MYDGF: variants seen among roughly 807,000 people sequenced by gnomAD.
The protein encoded by MYDGF is myeloid-derived growth factor.
In MYDGF, 29 loss-of-function variants were observed where a neutral mutation model predicts 24.2. The ratio of observed to expected loss-of-function variants is 1.20; its 90% CI spans 0.89 to 1.63. The LOEUF (loss-of-function observed/expected upper bound fraction) is 1.63. Among genes scored for constraint, MYDGF ranks in the 40% most tolerant of loss-of-function variants. The probability of loss-of-function intolerance (pLI) is 0.00; values close to 1 mark genes in which losing one functional copy is unlikely to be tolerated. For missense variants in MYDGF, 245 were observed against 234.8 expected (o/e 1.04, Z -0.29); for synonymous variants, 105 against 102.5 (o/e 1.02, Z -0.15).
intron 3 of MYDGF, among the ~76,000 whole-genome samples, chr19:4,664,486 T>C (rs1162772296): frequency 2.3e-5 from 3 of 130,110 alleles, no homozygotes; most frequent in Non-Finnish European, 3.2e-5. Context: ...GGAGACTCCA[T>C]CTCAAAAAAA....
Position 4,668,646 on chromosome 19 carries a change from C to T in MYDGF, c.175-1G>A, listed in dbSNP as rs575384736. 6.2e-7 allele frequency: 1 copy of T among 1,612,064 alleles called. No individual in the cohort carries two copies. Among genetic ancestry groups the T allele is most frequent in the African/African-American group, 1.3e-5 (1 of 74,904 alleles). Reference sequence around the variant, plus strand: ...AAGTGAACATACACGTATATTTGTCCTAGAGAATGGAAGGAAAAAAAAGGT... The same window carrying T: ...AAGTGAACATACACGTATATTTGTCTTAGAGAATGGAAGGAAAAAAAAGGT... On this transcript the variant is annotated splice_acceptor_variant, in intron 1 of 5. Transcript: ENST00000262947. LOFTEE classifies it high-confidence loss of function.
At position 4,668,635 on chromosome 19, in the gene MYDGF, G is replaced by A. The variant is rs200767767; in HGVS notation, c.185C>T (p.Thr62Met). 2.0e-5 allele frequency: 33 copies of A among 1,612,326 alleles called. No homozygotes were observed. In the South Asian group the frequency reaches 2.1e-4, roughly 10 times the overall value. Residue 62 changes from threonine to methionine, a missense_variant, in exon 2 of 6, where the codon ACG becomes ATG. Transcript: ENST00000262947. The stretch of plus-strand genomic sequence containing the variant: ...TTGAGAGGCGTAAGTGAACATACAC[G>A]TATATTTGTCCTAGAGAATGGAAGG... ...SHNVGPGDKYTCMFTYASQGG... is the reference protein window; with the variant it reads ...SHNVGPGDKYMCMFTYASQGG...
In MYDGF at chr19:4,664,939, TG is replaced by T; in HGVS notation, c.226-3del. 1 of 1,612,690 alleles carries T rather than the reference TG, an allele frequency of 6.2e-7. No homozygotes were observed. Among genetic ancestry groups the T allele is most frequent in the African/African-American group, 1.3e-5 (1 of 75,026 alleles). On this transcript the variant is annotated splice_region_variant and splice_polypyrimidine_tract_variant and intron_variant, in intron 2 of 5. Coordinates refer to ENST00000262947, the MANE Select transcript of MYDGF (RefSeq NM_019107.4). ...GGTCCCCAGACTCATCTGCCATTGCTGGGGAGAGAAGACAGCGCGGGTCAGC... is the reference window on the plus strand; with the variant it reads ...GGTCCCCAGACTCATCTGCCATTGCTGGGAGAGAAGACAGCGCGGGTCAGC...
At position 4,664,954 on chromosome 19, in the gene MYDGF, G is replaced by A; in HGVS notation, c.226-17C>T. 6.2e-7 allele frequency: 1 copy of A among 1,611,738 alleles called. No homozygotes were observed. The highest frequency in any genetic ancestry group is 1.7e-4 in the Middle Eastern group (1 of 6,060). ...CTGCCATTGCTGGGGAGAGAAGACA[G>A]CGCGGGTCAGCCCCGGACACACAGC... On this transcript the variant is annotated splice_polypyrimidine_tract_variant and intron_variant, in intron 2 of 5. Transcript: ENST00000262947.
chr19:4,663,360 T>C (rs1305010074), intron 3 of MYDGF, among the ~76,000 whole-genome samples: 1 of 126,258 alleles, frequency 7.9e-6, no homozygotes, highest in Non-Finnish European at 1.6e-5. Flanking sequence ...TTCTACAGCA[T>C]CCAATCTACT....
chr19:4,662,318 C>T (rs561263944), intron 3 of MYDGF, among the ~76,000 whole-genome samples: 1 of 152,324 alleles, frequency 6.6e-6, no homozygotes. Flanking sequence ...TCCAAAGTGT[C>T]TGCACAAAAT....
chr19:4,657,807 G>T lies in MYDGF; in HGVS notation c.*198C>A. The stretch of plus-strand genomic sequence containing the variant: ...GGAACTGAGAAGCTGTTGGGAGCCA[G>T]GAGGGCCCTGGACCCTCTGTTCTCT... On this transcript the variant is annotated 3_prime_UTR_variant, in exon 6 of 6. Transcript: ENST00000262947. 2.2e-6 allele frequency: 1 copy of T among 458,908 alleles called. No individual in the cohort carries two copies. Among genetic ancestry groups the T allele is most frequent in the Non-Finnish European group, 3.9e-6 (1 of 253,904 alleles). The allele number at this position is 458,908 out of a possible 1,614,324, so 28.4% of individuals were successfully genotyped here.
intron 4 of MYDGF, 139 bp from the exon 5 acceptor site, chr19:4,660,142 T>C: frequency 1.2e-6 from 1 of 808,212 alleles, no homozygotes; most frequent in Non-Finnish European, 2.0e-6. Flanking sequence ...TTTTTTGTTT[T>C]TGAGCCAGGA....
intron 1 of MYDGF, 155 bp from the exon 2 acceptor site, chr19:4,668,800 G>C: frequency 1.7e-6 from 1 of 584,770 alleles, no homozygotes; most frequent in Non-Finnish European, 3.1e-6. Flanking sequence ...TCTTGCCTCA[G>C]CCTCTCAAGT....
intron 3 of MYDGF, among the ~76,000 whole-genome samples, chr19:4,661,243 G>C (rs958103330): frequency 6.6e-6 from 1 of 152,158 alleles, no homozygotes; most frequent in African/African-American, 2.4e-5. Flanking sequence ...TGTGATTAGA[G>C]GTGTGAGCCA....
At chr19:4,668,888 G>T (rs934087623) in intron 1 of MYDGF, among the ~76,000 whole-genome samples, 2 of 146,942 alleles carry the variant, frequency 1.4e-5, no homozygotes, top group Non-Finnish European at 3.0e-5. Context: ...TTGTTCTGTC[G>T]CCCAGGCTGA....
chr19:4,664,459 C>T (rs2088504651), intron 3 of MYDGF, among the ~76,000 whole-genome samples: 1 of 145,788 alleles, frequency 6.9e-6, no homozygotes, highest in Admixed American at 7.0e-5. Context: ...CACTGCACTA[C>T]AGCCCGGGCA....
chr19:4,663,766 C>T (rs1481980034), intron 3 of MYDGF, among the ~76,000 whole-genome samples: 3 of 62,516 alleles, frequency 4.8e-5, no homozygotes, highest in Non-Finnish European at 5.8e-5. Flanking sequence ...CTCCAATCTA[C>T]CCTCCCCACC....
chr19:4,670,323 G>C lies in MYDGF; in HGVS notation c.12C>G (p.Pro4=). Residue 4 remains proline (P), a synonymous_variant, in exon 1 of 6, where the codon CCC becomes CCG. Coordinates refer to ENST00000262947, the MANE Select transcript of MYDGF (RefSeq NM_019107.4). ...CGCCGACGCCGTTCCACCCTCCGCT[G>C]GGCGCCGCCATGTTGGACTAGGGTC... MAA[P]SGGWNGVGAS... is the part of the protein sequence containing the mutation. The C allele has an allele frequency of 6.8e-7, 1 of 1,461,650 alleles. No homozygotes were observed. Among genetic ancestry groups the C allele is most frequent in the Non-Finnish European group, 9.0e-7 (1 of 1,105,208 alleles). 90.5% of individuals were successfully genotyped at this position (1,461,650 alleles called of 1,614,324 possible).
intron 3 of MYDGF, among the ~76,000 whole-genome samples, chr19:4,662,743 C>G (rs1289318717): frequency 6.6e-6 from 1 of 152,062 alleles, no homozygotes; most frequent in African/African-American, 2.4e-5. Context: ...TGGTAAAGAC[C>G]TGCCTGAGGG....
At chr19:4,663,815 C>T (rs1042736513) in intron 3 of MYDGF, among the ~76,000 whole-genome samples, 1 of 139,566 alleles carries the variant, frequency 7.2e-6, no homozygotes, top group Non-Finnish European at 1.5e-5. Context: ...AATCTGTGCC[C>T]TCTCCACCCA....
chr19:4,661,067 A>G (rs2088466909), intron 3 of MYDGF, among the ~76,000 whole-genome samples: 1 of 150,686 alleles, frequency 6.6e-6, no homozygotes, highest in Non-Finnish European at 1.5e-5. Flanking sequence ...CCTGGGTTTA[A>G]GTGATTCTCC....
intron 1 of MYDGF, 65 bp downstream of exon 1, chr19:4,670,096 A>G: frequency 7.8e-7 from 1 of 1,275,762 alleles, no homozygotes; most frequent in Non-Finnish European, 1.0e-6. Context: ...CCCCGCCCCC[A>G]ATGCTCCGCG....
chr19:4,670,093 C>G, intron 1 of MYDGF, 68 bp downstream of exon 1: 1 of 1,395,270 alleles, frequency 7.2e-7, no homozygotes, highest in East Asian at 2.9e-5. Flanking sequence ...GGGCCCCGCC[C>G]CCAATGCTCC....
Sources: gnomAD v4.1 joint callset for allele counts (sites outside exome capture counted in the v4.1 genomes callset) on GRCh38, gnomAD v4.1.1 for gene constraint, MANE v1.5 for transcripts, NCBI Gene and HGNC (gene_info 2026-07-23, HGNC 2026-07-21) for gene names.